GSTT4: variants seen among roughly 807,000 people sequenced by gnomAD.
GSTT4 encodes glutathione S-transferase theta 4, also known as glutathione S-transferase theta-4.
chr22:23,994,889 C>T (rs1254963877), downstream of GSTT4, among the ~76,000 whole-genome samples: 1 of 152,112 alleles, frequency 6.6e-6, no homozygotes, highest in Non-Finnish European at 1.5e-5. Context: ...CTTGTTTCTT[C>T]ATCTACAAAA....
At chr22:23,993,266 T>C in the GSTT4 span, among the ~76,000 whole-genome samples, 2 of 152,336 alleles carry the variant, frequency 1.3e-5, no homozygotes, top group South Asian at 2.1e-4. Context: ...TCCTGCTGCG[T>C]TGCCCAGGCT....
At chr22:23,995,746 G>A (rs59058737), downstream of GSTT4, among the ~76,000 whole-genome samples, 4,209 of 151,994 alleles carry the variant, frequency 0.028, 224 homozygotes, top group African/African-American at 0.095. Context: ...GCTTGGTGGC[G>A]CTTCTTTAAT....
In GSTT4 at chr22:24,005,243, A is replaced by T. The variant is rs1339980354; in HGVS notation, c.112+2T>A. The T allele has an allele frequency of 6.5e-6, 1 of 153,166 alleles. No homozygotes were observed. Among genetic ancestry groups the T allele is most frequent in the Non-Finnish European group, 1.5e-5 (1 of 68,346 alleles). 9.5% of individuals were successfully genotyped at this position (153,166 alleles called of 1,614,324 possible). A position where few individuals can be genotyped will look rare whatever the true frequency, so the allele number is the denominator to read the frequency against. ...GCCTGCCAGGCAGCAGTGGGAGTTG[A>T]CCTTTCAGCAGATCCACAAACTGAA... On this transcript the variant is annotated splice_donor_variant, in intron 1 of 4. Coordinates refer to ENST00000621179, the MANE Select transcript of GSTT4 (RefSeq NM_001358664.2). LOFTEE classifies it high-confidence loss of function.
chr22:24,004,839 G>A, intron 1 of GSTT4: 1 of 153,524 alleles, frequency 6.5e-6, no homozygotes, highest in Non-Finnish European at 1.5e-5. Context: ...GTGGACCTCT[G>A]GGGTGATTCC....
the GSTT4 span, among the ~76,000 whole-genome samples, chr22:23,992,226 G>C: frequency 1.4e-5 from 2 of 139,806 alleles, no homozygotes; most frequent in East Asian, 4.2e-4. Flanking sequence ...CAGTTGCTGG[G>C]GTCATATTTG....
At chr22:24,000,690 C>G (rs1207483575) in intron 3 of GSTT4, among the ~76,000 whole-genome samples, 1 of 143,838 alleles carries the variant, frequency 7.0e-6, no homozygotes, top group African/African-American at 2.8e-5. Context: ...TCCTGAGTAG[C>G]TGGGATTACA....
chr22:23,989,968 T>G, the GSTT4 span, among the ~76,000 whole-genome samples: 14 of 150,986 alleles, frequency 9.3e-5, no homozygotes, highest in African/African-American at 3.4e-4. Context: ...AGCAGGTGAC[T>G]CAAGCTGGTT....
At chr22:23,995,601 A>G (rs1349947413), downstream of GSTT4, among the ~76,000 whole-genome samples, 3,903 of 83,176 alleles carry the variant, frequency 0.047, no homozygotes, top group Middle Eastern at 0.11. Context: ...GGCCTTTTCT[A>G]CATTACAGAT....
downstream of GSTT4, among the ~76,000 whole-genome samples, chr22:23,996,430 G>T (rs1472636046): frequency 7.2e-6 from 1 of 138,036 alleles, no homozygotes; most frequent in Non-Finnish European, 1.6e-5. Context: ...CTGATCTTAG[G>T]GGGGAAACGC....
chr22:23,996,442 T>C (rs402635), downstream of GSTT4, among the ~76,000 whole-genome samples: 11,773 of 97,612 alleles, frequency 0.12, no homozygotes, highest in Non-Finnish European at 0.14. Flanking sequence ...GGGAAACGCT[T>C]GATCTTTCAC....
At position 23,998,562 on chromosome 22, in the gene GSTT4, A is replaced by G. The variant is rs2034152902; in HGVS notation, c.706T>C (p.Leu236=). 6.5e-6 allele frequency: 1 copy of G among 152,906 alleles called. No individual in the cohort carries two copies. Among genetic ancestry groups the G allele is most frequent in the African/African-American group, 2.5e-5 (1 of 40,814 alleles). The allele number at this position is 152,906 out of a possible 1,614,324, so 9.5% of individuals were successfully genotyped here. ...TAGGGTCACCTGCTCTTCTTCAGCA[A>G]CTCAGAAATATTCTCCTTGACCATT... The part of the protein sequence containing the change: ...DSMVKENISE[L]LKKSR The change falls in exon 5 of 5, where the codon TTG becomes CTG. Residue 236 remains leucine (L), a synonymous_variant. Transcript: ENST00000621179.
the GSTT4 span, among the ~76,000 whole-genome samples, chr22:23,991,111 A>G: frequency 0.95 from 62,994 of 66,180 alleles, 31,032 homozygotes; most frequent in East Asian, 1. Flanking sequence ...CTGGAAGGTC[A>G]AGGCTGCAGT....
chr22:24,000,285 G>A (rs1220779382), intron 3 of GSTT4, 34 bp from the exon 4 acceptor site: 1 of 152,296 alleles, frequency 6.6e-6, no homozygotes, highest in East Asian at 1.9e-4. Flanking sequence ...GGAAGAGGAG[G>A]CTGCACTCCA....
intron 2 of GSTT4, among the ~76,000 whole-genome samples, chr22:24,001,716 T>G (rs2034234756): frequency 6.6e-6 from 1 of 152,278 alleles, no homozygotes. Flanking sequence ...GGGGGCACGA[T>G]GGCTCACACC....
downstream of GSTT4, among the ~76,000 whole-genome samples, chr22:23,996,167 C>T (rs1601570207): frequency 1.3e-5 from 2 of 152,136 alleles, no homozygotes; most frequent in African/African-American, 4.8e-5. Context: ...TGGTCTCAAA[C>T]TTCTGACCTC....
chr22:23,991,826 G>T, the GSTT4 span, among the ~76,000 whole-genome samples: 4 of 135,016 alleles, frequency 3.0e-5, no homozygotes, highest in Non-Finnish European at 6.5e-5. Flanking sequence ...AGACCGAGGG[G>T]GGTGGATCAC....
At chr22:23,989,244 G>A in the GSTT4 span, 1 of 160,980 alleles carries the variant, frequency 6.2e-6, no homozygotes, top group Non-Finnish European at 1.4e-5. Context: ...AGGTGAGTGG[G>A]GATAACCCAG....
chr22:24,000,587 C>T (rs766043158), intron 3 of GSTT4, among the ~76,000 whole-genome samples: 1 of 136,950 alleles, frequency 7.3e-6, no homozygotes, highest in Non-Finnish European at 1.5e-5. Context: ...GAGATGGAGT[C>T]TCACTCTGTC....
At chr22:24,004,071 C>G (rs1194328234) in intron 1 of GSTT4, 1 of 153,572 alleles carries the variant, frequency 6.5e-6, no homozygotes, top group South Asian at 2.1e-4. Context: ...TTGGTGACTC[C>G]CGTGCCTCCT....
Sources: allele counts gnomAD v4.1 joint callset (sites outside exome capture counted in the v4.1 genomes callset), GRCh38; gene constraint gnomAD v4.1.1; transcripts MANE v1.5; gene names NCBI Gene and HGNC (gene_info 2026-07-23, HGNC 2026-07-21).